TMEM266: variants seen among roughly 807,000 people sequenced by gnomAD.
The protein encoded by TMEM266 is Hv1 related protein 1.
TMEM266 carries 33 observed loss-of-function variants against 50.5 expected under a neutral mutation model. The observed-to-expected ratio is 0.65, with a 90% confidence interval of 0.50 to 0.87. TMEM266 has a LOEUF of 0.87. Among genes scored for constraint, TMEM266 ranks in the 40% least tolerant of loss-of-function variants. The pLI is 0.00. For synonymous variants in TMEM266, 310 were observed against 292.3 expected, an observed-to-expected ratio of 1.06 and a Z score of -0.62; for missense variants, 655 against 695.1, an observed-to-expected ratio of 0.94 and a Z score of 0.65.
intron 1 of TMEM266, among the ~76,000 whole-genome samples, chr15:76,090,684 C>T (rs2036836966): frequency 6.6e-6 from 1 of 151,772 alleles, no homozygotes; most frequent in South Asian, 2.1e-4. Context: ...TAAAAGTGTC[C>T]ACGGGATTTG....
At chr15:76,113,028 G>A (rs1039328924) in intron 1 of TMEM266, 2 of 152,242 alleles carry the variant, frequency 1.3e-5, no homozygotes, top group African/African-American at 4.8e-5. Context: ...TATGAAATAT[G>A]TTCTGGGCCA....
chr15:76,130,085 G>T (rs1024847618), intron 1 of TMEM266, among the ~76,000 whole-genome samples: 3 of 151,642 alleles, frequency 2.0e-5, no homozygotes, highest in Non-Finnish European at 4.4e-5. Flanking sequence ...GTAGCCGGGT[G>T]TGGTGGCTTG....
Position 76,137,850 on chromosome 15 carries a change from G to T in TMEM266, c.182G>T (p.Gly61Val). 1 of 1,603,950 alleles carries T rather than the reference G, an allele frequency of 6.2e-7. No individual in the cohort carries two copies. Among genetic ancestry groups the T allele is most frequent in the Non-Finnish European group, 8.5e-7 (1 of 1,175,252 alleles). Residue 61 changes from glycine to valine, a missense_variant, in exon 3 of 11, where the codon GGC becomes GTC. This residue lies in a region of TMEM266 where 99 missense variants were observed against 110.8 expected (regional missense o/e 0.89). Transcript: ENST00000388942. ...GCTGCTGTCGATCTCTCCACGGCGGGCTCGCAGCTCCTGTCAAATCTGGAC... is the reference window on the plus strand; with the variant it reads ...GCTGCTGTCGATCTCTCCACGGCGGTCTCGCAGCTCCTGTCAAATCTGGAC...
At chr15:76,104,765 T>C (rs907023487) in intron 1 of TMEM266, among the ~76,000 whole-genome samples, 3 of 152,020 alleles carry the variant, frequency 2.0e-5, no homozygotes, top group African/African-American at 4.8e-5. Flanking sequence ...AGGTGTAAAG[T>C]AGTCAGTCAT....
rs915465403 is a variant in TMEM266, at chr15:76,142,553, T to G, written c.227+4658T>G. ...CACTGTTTTACATTCCACCTGACAG[T>G]GCATGAGGGCTGTGATATCTCCTTG... is the stretch of plus-strand genomic sequence containing the variant. On this transcript the variant is annotated intron_variant, in intron 3 of 10. Coordinates refer to ENST00000388942, the MANE Select transcript of TMEM266 (RefSeq NM_152335.3). 2.0e-5 allele frequency among the ~76,000 whole-genome samples: 3 copies of G among 152,222 alleles called. No individual in the cohort carries two copies. In the East Asian group the frequency reaches 5.8e-4, roughly 29 times the overall value.
intron 1 of TMEM266, among the ~76,000 whole-genome samples, chr15:76,061,166 A>T (rs192143025): frequency 2.6e-4 from 39 of 152,330 alleles, no homozygotes; most frequent in African/African-American, 9.1e-4. Flanking sequence ...AGAAGCAAAA[A>T]ATGAAAATGG....
intron 1 of TMEM266, among the ~76,000 whole-genome samples, chr15:76,122,478 T>G (rs1447487107): frequency 6.6e-6 from 1 of 152,246 alleles, no homozygotes; most frequent in Non-Finnish European, 1.5e-5. Context: ...CAAAGAATAG[T>G]TACTTGCCTG....
rs1483925635 is a variant in TMEM266 at position 76,160,174 on chromosome 15, T to G, written c.456+6T>G. 1 of 1,612,814 alleles carries G rather than the reference T, an allele frequency of 6.2e-7. No homozygotes were observed. The highest frequency in any genetic ancestry group is 8.5e-7 in the Non-Finnish European group (1 of 1,178,894). ...TGTCCGTGTTCTTCTCAGAGGTAGG[T>G]GGAGACTCTGGCCCTGTCACCTCCT... On this transcript the variant is annotated splice_donor_region_variant and intron_variant, in intron 5 of 10. Coordinates refer to ENST00000388942, the MANE Select transcript of TMEM266 (RefSeq NM_152335.3). This position sits in a 1 kb window ranked among gnomAD's most constrained non-coding sequence, Gnocchi z 5.7.
At chr15:76,166,033 T>A (rs2038090363) in intron 5 of TMEM266, among the ~76,000 whole-genome samples, 2 of 152,296 alleles carry the variant, frequency 1.3e-5, no homozygotes, top group East Asian at 3.9e-4. Context: ...GCGTTTCACG[T>A]AAACCCCCCG....
chr15:76,169,125 G>A (rs925559733), intron 5 of TMEM266, among the ~76,000 whole-genome samples: 4 of 152,124 alleles, frequency 2.6e-5, no homozygotes, highest in Non-Finnish European at 5.9e-5. Flanking sequence ...CCCAATTCTG[G>A]GCCTTGGGAA....
rs544213256 is a variant in TMEM266 at position 76,097,259 on chromosome 15, T to C, written c.-96-36909T>C. ...TTTTGCTGTGGCTGGTACTGGTTGT[T>C]CCTTTCCATGTTTAGTGCTTCCTTC... On this transcript the variant is annotated intron_variant, in intron 1 of 10. Coordinates refer to ENST00000388942, the MANE Select transcript of TMEM266 (RefSeq NM_152335.3). Among the ~76,000 whole-genome samples, 317 of 152,194 alleles carry C rather than the reference T, an allele frequency of 2.1e-3. 2 individuals are homozygous for C. Among genetic ancestry groups the C allele is most frequent in the African/African-American group, 7.2e-3 (299 of 41,550 alleles).
chr15:76,122,612 A>T (rs962232685), intron 1 of TMEM266, among the ~76,000 whole-genome samples: 3 of 152,214 alleles, frequency 2.0e-5, no homozygotes, highest in Non-Finnish European at 2.9e-5. Context: ...TGGCATTTAT[A>T]CTTAAGATTT....
intron 1 of TMEM266, chr15:76,112,717 CT>C (rs2037189213): frequency 6.6e-6 from 1 of 152,172 alleles, no homozygotes; most frequent in Non-Finnish European, 1.5e-5. Flanking sequence ...ATTTTTCTGC[CT>C]TTGAAAAGCC....
In TMEM266 at chr15:76,168,450, C is replaced by T. The variant is rs945591187; in HGVS notation, c.457-1366C>T. Among the ~76,000 whole-genome samples, 12 of 152,220 alleles carry T rather than the reference C, an allele frequency of 7.9e-5. No individual in the cohort carries two copies. Among genetic ancestry groups the T allele is most frequent in the African/African-American group, 2.2e-4 (9 of 41,458 alleles). ...AGTTCAGAAGGCTAGGCTTGTACTA[C>T]AGGCATGCGGGAGAGGGGCACCATC... On this transcript the variant is annotated intron_variant, in intron 5 of 10. Transcript: ENST00000388942. The surrounding 1 kb of genome is among the most constrained non-coding windows in gnomAD (Gnocchi z 4.4).
chr15:76,106,511 C>A (rs1409598514), intron 1 of TMEM266, among the ~76,000 whole-genome samples: 1 of 152,190 alleles, frequency 6.6e-6, no homozygotes, highest in Non-Finnish European at 1.5e-5. Context: ...GCAATCACGG[C>A]TCACTGCAGC....
chr15:76,129,712 C>T (rs923871286), intron 1 of TMEM266, among the ~76,000 whole-genome samples: 7 of 151,968 alleles, frequency 4.6e-5, no homozygotes, highest in African/African-American at 1.4e-4. Context: ...ATAATCCAGA[C>T]TGTGGGAAAC....
chr15:76,156,497 C>G, intron 3 of TMEM266, 107 bp from the exon 4 acceptor site: 5 of 1,199,100 alleles, frequency 4.2e-6, no homozygotes, highest in Non-Finnish European at 5.9e-6. Context: ...GGGAGAGAGC[C>G]CGGGAGGAGT....
intron 1 of TMEM266, among the ~76,000 whole-genome samples, chr15:76,091,366 AC>A (rs1422436387): frequency 6.6e-6 from 1 of 150,528 alleles, no homozygotes; most frequent in Non-Finnish European, 1.5e-5. Flanking sequence ...TATGCAGCAG[AC>A]CCACAGAGTA....
intron 2 of TMEM266, among the ~76,000 whole-genome samples, chr15:76,137,069 C>T (rs2037601728): frequency 6.6e-6 from 1 of 152,086 alleles, no homozygotes; most frequent in African/African-American, 2.4e-5. Context: ...CAAGTGACTG[C>T]CATCCCCTAT....
Sources: allele counts gnomAD v4.1 joint callset (sites outside exome capture counted in the v4.1 genomes callset), GRCh38; gene constraint gnomAD v4.1.1; regional missense constraint gnomAD v4.1.1; non-coding constraint Gnocchi (gnomAD v3.1); transcripts MANE v1.5; gene names NCBI Gene and HGNC (gene_info 2026-07-23, HGNC 2026-07-21).